Variants in FOCAD observed in about 807,000 individuals in gnomAD.
The protein encoded by FOCAD is KIAA1797.
FOCAD carries 198 observed loss-of-function variants against 225.6 expected under a neutral mutation model. That is an observed-to-expected ratio of 0.88 (90% CI 0.78 to 0.99). FOCAD has a LOEUF of 0.99. FOCAD is among the 50% of genes least tolerant of loss of function. The pLI is 0.00. For synonymous variants in FOCAD, 897 were observed against 755.0 expected (o/e 1.19, Z -3.08); for missense variants, 2,713 against 2,123.6 (o/e 1.28, Z -5.46).
intron 1 of FOCAD, among the ~76,000 whole-genome samples, chr9:20,710,032 A>G (rs1395624831): frequency 6.6e-6 from 1 of 152,134 alleles, no homozygotes; most frequent in African/African-American, 2.4e-5. Context: ...TACTGGAATT[A>G]CAGCATTCTG....
At chr9:20,754,923 G>C (rs1334784376) in intron 5 of FOCAD, among the ~76,000 whole-genome samples, 1 of 152,050 alleles carries the variant, frequency 6.6e-6, no homozygotes, top group Admixed American at 6.6e-5. Context: ...AAGGCTTTAT[G>C]GATTATTTTA....
At chr9:20,714,282 G>A (rs1359059847) in intron 1 of FOCAD, among the ~76,000 whole-genome samples, 3 of 152,122 alleles carry the variant, frequency 2.0e-5, no homozygotes, top group Non-Finnish European at 4.4e-5. Context: ...GTAACATTTT[G>A]AATTTTGTAT....
chr9:20,909,710 G>T (rs1455430287), intron 22 of FOCAD, among the ~76,000 whole-genome samples: 1 of 152,028 alleles, frequency 6.6e-6, no homozygotes. Flanking sequence ...TGTGATTTAG[G>T]CTATCACTAT....
rs1268901665 is a variant in FOCAD at position 20,719,523 on chromosome 9, A to G, written c.133-857A>G. On this transcript the variant is annotated intron_variant, in intron 3 of 43. Coordinates refer to ENST00000338382, the MANE Select transcript of FOCAD (RefSeq NM_001375567.1). The stretch of plus-strand genomic sequence containing the variant: ...TTTGTTCTTTTTTTTTTATAATACA[A>G]CTGTGTGTAAGTCTAAATGGACTTT... Among the ~76,000 whole-genome samples, 3 of 152,080 alleles carry G rather than the reference A, an allele frequency of 2.0e-5. No individual in the cohort carries two copies. In the East Asian group the frequency reaches 5.8e-4, roughly 29 times the overall value.
intron 11 of FOCAD, among the ~76,000 whole-genome samples, chr9:20,797,958 A>G (rs1290239191): frequency 6.6e-6 from 1 of 152,188 alleles, no homozygotes; most frequent in Admixed American, 6.5e-5. Context: ...GTTTTTGCCC[A>G]TTCAGTATGA....
chr9:20,732,593 A>C (rs1007787849), intron 4 of FOCAD, among the ~76,000 whole-genome samples: 1 of 152,128 alleles, frequency 6.6e-6, no homozygotes, highest in African/African-American at 2.4e-5. Flanking sequence ...AATGTACTGA[A>C]GTGTTTTATC....
At chr9:20,829,960 G>A (rs1825320787) in intron 15 of FOCAD, among the ~76,000 whole-genome samples, 1 of 151,980 alleles carries the variant, frequency 6.6e-6, no homozygotes, top group African/African-American at 2.4e-5. Flanking sequence ...TACAATAGAA[G>A]AAAACCCCAA....
chr9:20,664,548 G>A (rs1251699596), intron 2 of FOCAD, among the ~76,000 whole-genome samples: 1 of 151,714 alleles, frequency 6.6e-6, no homozygotes, highest in Non-Finnish European at 1.5e-5. Flanking sequence ...TAAGCAGGAA[G>A]GGAGAGATAA....
At chr9:20,928,270 GT>G (rs1420454014) in intron 26 of FOCAD, among the ~76,000 whole-genome samples, 3 of 152,066 alleles carry the variant, frequency 2.0e-5, no homozygotes, top group Non-Finnish European at 4.4e-5. Context: ...TCAAAGCCCT[GT>G]TTTAAAAGTC....
intron 28 of FOCAD, 51 bp downstream of exon 28, chr9:20,933,154 C>A: frequency 7.9e-7 from 1 of 1,260,622 alleles, no homozygotes; most frequent in Non-Finnish European, 1.2e-6. Context: ...TTGCTCCCTA[C>A]ACTGCCATAA....
intron 11 of FOCAD, among the ~76,000 whole-genome samples, chr9:20,794,455 C>T (rs974147288): frequency 6.6e-6 from 1 of 152,072 alleles, no homozygotes; most frequent in African/African-American, 2.4e-5. Flanking sequence ...TGAGGGTCAC[C>T]TTGGTGTTCT....
intron 11 of FOCAD, among the ~76,000 whole-genome samples, chr9:20,815,824 G>T: frequency 6.6e-6 from 1 of 152,006 alleles, no homozygotes; most frequent in Non-Finnish European, 1.5e-5. Context: ...AAGATTAGGA[G>T]GATCAAGAGC....
intron 35 of FOCAD, among the ~76,000 whole-genome samples, 190 bp downstream of exon 35, chr9:20,953,255 C>T (rs1230794925): frequency 1.3e-5 from 2 of 152,190 alleles, no homozygotes; most frequent in Non-Finnish European, 2.9e-5. Context: ...CGTAAATATA[C>T]ACATTGTGTG....
chr9:20,759,608 C>A (rs1020913666), intron 6 of FOCAD, among the ~76,000 whole-genome samples: 1 of 152,002 alleles, frequency 6.6e-6, no homozygotes, highest in African/African-American at 2.4e-5. Flanking sequence ...CCATAAAAAC[C>A]GTAGAAGAAA....
chr9:20,763,768 A>T (rs1229552293), intron 6 of FOCAD, among the ~76,000 whole-genome samples: 1 of 152,178 alleles, frequency 6.6e-6, no homozygotes, highest in Non-Finnish European at 1.5e-5. Flanking sequence ...CAGAGGCCAA[A>T]TGATGGAGGG....
chr9:20,912,870 G>A lies in FOCAD; in HGVS notation c.2723G>A (p.Arg908Lys). Residue 908 changes from arginine to lysine, a missense_variant, in exon 23 of 44, where the codon AGA (arginine) becomes AAA (lysine). Physicochemically the swap from Arg to Lys is conservative, Grantham distance 26. Transcript: ENST00000338382. Reference protein sequence around the residue: ...NRAYHAILQGRLGELELQLKH... With the variant: ...NRAYHAILQGKLGELELQLKH... ...TTTATGCTGTGATTTTTGCAGGGAA[G>A]ACTAGGAGAGCTGGAGTTGCAGTTA... The A allele has an allele frequency of 6.2e-7, 1 of 1,612,954 alleles. No homozygotes were observed. Among genetic ancestry groups the A allele is most frequent in the South Asian group, 1.1e-5 (1 of 91,032 alleles).
At position 20,720,502 on chromosome 9, in the gene FOCAD, C is replaced by T. The variant is rs367914058; in HGVS notation, c.255C>T (p.Leu85=). Reference sequence around the variant, plus strand: ...ATCATGCAGAGTTCAGCTATGTTCTCAATGGGATACTCAACTTGATTCCAT... The same window carrying T: ...ATCATGCAGAGTTCAGCTATGTTCTTAATGGGATACTCAACTTGATTCCAT... The part of the protein sequence containing the change: ...AQDHAEFSYV[L]NGILNLIPST... Residue 85 remains leucine (L), a synonymous_variant, in exon 4 of 44, where the codon CTC becomes CTT. Transcript: ENST00000338382. 19 of 1,614,016 alleles carry T rather than the reference C, an allele frequency of 1.2e-5. No homozygotes were observed. The highest frequency in any genetic ancestry group is 6.7e-5 in the African/African-American group (5 of 75,014).
chr9:20,915,374 A>G (rs185056852), intron 23 of FOCAD, among the ~76,000 whole-genome samples: 67 of 152,346 alleles, frequency 4.4e-4, no homozygotes, highest in African/African-American at 1.6e-3. Context: ...ATTAGTTATC[A>G]GTGACGTAGA....
At chr9:20,757,824 T>C (rs1355988283) in intron 5 of FOCAD, among the ~76,000 whole-genome samples, 1 of 152,280 alleles carries the variant, frequency 6.6e-6, no homozygotes, top group African/African-American at 2.4e-5. Flanking sequence ...AACTGTTAAA[T>C]GGAAGAGTCC....
Sources: gnomAD v4.1 joint callset for allele counts (sites outside exome capture counted in the v4.1 genomes callset) on GRCh38, gnomAD v4.1.1 for gene constraint, MANE v1.5 for transcripts, NCBI Gene and HGNC (gene_info 2026-07-23, HGNC 2026-07-21) for gene names.